The following USP15 variants were observed in gnomAD, a reference collection of about 807,000 sequenced individuals.
USP15 encodes the protein ubiquitin specific peptidase 15, also known as ubiquitin carboxyl-terminal hydrolase 15.
USP15 carries 18 observed loss-of-function variants against 127.1 expected under a neutral mutation model. That is an observed-to-expected ratio of 0.14 (90% CI 0.10 to 0.21). The LOEUF is 0.21. USP15 is among the 10% of genes least tolerant of loss of function. USP15 has a pLI of 1.00. For synonymous variants in USP15, 364 were observed against 393.7 expected (o/e 0.92, Z 0.89); for missense variants, 805 against 1,159.9 (o/e 0.69, Z 4.44).
intron 1 of USP15, among the ~76,000 whole-genome samples, chr12:62,279,852 A>G (rs1225022759): frequency 2.0e-5 from 3 of 152,158 alleles, no homozygotes; most frequent in Non-Finnish European, 2.9e-5. Context: ...ATCTTTGCCT[A>G]TTAGTTTGTA....
At chr12:62,332,166 AAAG>A (rs1403094339) in intron 6 of USP15, among the ~76,000 whole-genome samples, 1 of 151,894 alleles carries the variant, frequency 6.6e-6, no homozygotes, top group Non-Finnish European at 1.5e-5. Flanking sequence ...TCTGTCTCAA[AAAG>A]AAAAAAAAAA....
chr12:62,349,039 T>C (rs1199366494), intron 6 of USP15, among the ~76,000 whole-genome samples, 182 bp from the exon 7 acceptor site: 2 of 152,132 alleles, frequency 1.3e-5, no homozygotes, highest in Non-Finnish European at 2.9e-5. Context: ...TTTTGTACTT[T>C]TATGTTTTTA....
At chr12:62,358,826 A>T (rs2066222063) in intron 8 of USP15, among the ~76,000 whole-genome samples, 1 of 152,202 alleles carries the variant, frequency 6.6e-6, no homozygotes, top group Non-Finnish European at 1.5e-5. Context: ...AAATCTAGAG[A>T]TGATTTAAAG....
chr12:62,316,234 G>A (rs891397034), intron 4 of USP15, among the ~76,000 whole-genome samples: 13 of 143,422 alleles, frequency 9.1e-5, no homozygotes, highest in Admixed American at 2.9e-4. Flanking sequence ...GCAGTGGGCC[G>A]AAACCGTACC....
intron 1 of USP15, among the ~76,000 whole-genome samples, chr12:62,276,492 T>G (rs1020337979): frequency 6.6e-6 from 1 of 152,116 alleles, no homozygotes; most frequent in African/African-American, 2.4e-5. Flanking sequence ...TTTGCTTATA[T>G]TATCTTCCAA....
At chr12:62,281,001 G>T (rs1208572965) in intron 1 of USP15, among the ~76,000 whole-genome samples, 1 of 152,152 alleles carries the variant, frequency 6.6e-6, no homozygotes, top group Non-Finnish European at 1.5e-5. Context: ...GACCCTAATA[G>T]TATATAAGGA....
intron 8 of USP15, among the ~76,000 whole-genome samples, chr12:62,363,503 C>CA (rs2066378800): frequency 6.6e-6 from 1 of 152,144 alleles, no homozygotes; most frequent in South Asian, 2.1e-4. Context: ...CTTGCACTCT[C>CA]ACTTCCATTA....
At chr12:62,279,095 A>G (rs2063576318) in intron 1 of USP15, 1 of 152,158 alleles carries the variant, frequency 6.6e-6, no homozygotes, top group South Asian at 2.1e-4. Flanking sequence ...AATATTGTAC[A>G]ATAGACTTAC....
intron 3 of USP15, among the ~76,000 whole-genome samples, chr12:62,312,762 A>G (rs2064720288): frequency 6.6e-6 from 1 of 151,566 alleles, no homozygotes; most frequent in African/African-American, 2.4e-5. Flanking sequence ...TACTTTTTTT[A>G]TAAGCTTGTT....
At chr12:62,335,030 CTT>C in intron 6 of USP15, 1 of 749,390 alleles carries the variant, frequency 1.3e-6, no homozygotes, top group Admixed American at 2.8e-5. Context: ...AAATGGAAGT[CTT>C]ACCTTTTTCT....
intron 8 of USP15, among the ~76,000 whole-genome samples, chr12:62,379,662 T>G (rs2066930616): frequency 6.6e-6 from 1 of 152,158 alleles, no homozygotes; most frequent in Admixed American, 6.6e-5. Flanking sequence ...TGTTACATTC[T>G]TAGCATAACC....
intron 2 of USP15, among the ~76,000 whole-genome samples, chr12:62,295,148 G>A (rs2064092386): frequency 6.6e-6 from 1 of 152,082 alleles, no homozygotes; most frequent in Non-Finnish European, 1.5e-5. Flanking sequence ...CCCCCCCATA[G>A]GGTTGCTCTT....
At chr12:62,271,145 G>A (rs2063337459) in intron 1 of USP15, among the ~76,000 whole-genome samples, 1 of 151,974 alleles carries the variant, frequency 6.6e-6, no homozygotes, top group African/African-American at 2.4e-5. Context: ...ACCCTCAGCA[G>A]ATGAAAATGA....
Position 62,389,840 on chromosome 12 carries a change from A to G in USP15, c.1696A>G (p.Ile566Val), listed in dbSNP as rs2067267255. ...TAGGACAGAAGATACAGAGCACGTG[A>G]TTATTCCTGTTTGCCTAAGAGAAAA... ...INRTEDTEHV[I>V]IPVCLREKFR... Residue 566 changes from isoleucine to valine, a missense_variant, in exon 14 of 22, where the codon ATT (isoleucine) becomes GTT (valine). Ile to Val is a conservative substitution (Grantham distance 29). This residue lies in a region of USP15 where 82 missense variants were observed against 104.4 expected (regional missense o/e 0.79). Coordinates refer to ENST00000280377, the MANE Select transcript of USP15 (RefSeq NM_001252078.2). 6.2e-7 allele frequency: 1 copy of G among 1,613,620 alleles called. No homozygotes were observed. Among genetic ancestry groups the G allele is most frequent in the Admixed American group, 1.7e-5 (1 of 59,974 alleles).
intron 15 of USP15, 49 bp from the exon 16 acceptor site, chr12:62,391,108 A>G (rs768604907): frequency 6.5e-7 from 1 of 1,535,620 alleles, no homozygotes; most frequent in Non-Finnish European, 8.7e-7. Context: ...TTAATAATTT[A>G]AAAATATAGC....
intron 1 of USP15, among the ~76,000 whole-genome samples, chr12:62,291,327 C>T (rs1356475903): frequency 1.3e-5 from 2 of 151,960 alleles, no homozygotes; most frequent in South Asian, 2.1e-4. Context: ...GTTTATTCTC[C>T]TTGATCTAGT....
chr12:62,391,984 C>T, intron 17 of USP15, 98 bp downstream of exon 17: 3 of 1,182,892 alleles, frequency 2.5e-6, no homozygotes, highest in African/African-American at 1.6e-5. Flanking sequence ...TTGCTTCCAC[C>T]AAATATGTTT....
chr12:62,367,512 G>A (rs1329366134), intron 8 of USP15, among the ~76,000 whole-genome samples: 2 of 152,102 alleles, frequency 1.3e-5, no homozygotes, highest in East Asian at 3.9e-4. Context: ...TTTTTTATGG[G>A]CCTATTCAGG....
chr12:62,333,459 G>GTTTGT (rs1565863429), intron 6 of USP15, among the ~76,000 whole-genome samples: 3 of 151,884 alleles, frequency 2.0e-5, no homozygotes, highest in South Asian at 2.1e-4. Context: ...TCTTTTGTTT[G>GTTTGT]TTTGTTTTGT....
Sources: gnomAD v4.1 joint callset for allele counts (sites outside exome capture counted in the v4.1 genomes callset) on GRCh38, gnomAD v4.1.1 for gene constraint, gnomAD v4.1.1 regional missense constraint, MANE v1.5 for transcripts, NCBI Gene and HGNC (gene_info 2026-07-23, HGNC 2026-07-21) for gene names.